Variants in SLC25A17 observed in about 807,000 individuals in gnomAD.
SLC25A17 encodes solute carrier family 25 member 17.
In SLC25A17, 26 loss-of-function variants were observed where a neutral mutation model predicts 38.5. That is an observed-to-expected ratio of 0.68 (90% confidence interval 0.50 to 0.94). The LOEUF is 0.94. Among genes scored for constraint, SLC25A17 ranks in the 40% least tolerant of loss-of-function variants. The pLI, the probability that SLC25A17 is intolerant of heterozygous loss-of-function variation, is 0.00. For missense variants in SLC25A17, 333 were observed against 372.7 expected (o/e 0.89, Z 0.88); for synonymous variants, 139 against 136.2 (o/e 1.02, Z -0.14).
intron 1 of SLC25A17, among the ~76,000 whole-genome samples, chr22:40,806,810 C>A (rs1008681858): frequency 6.6e-6 from 1 of 152,178 alleles, no homozygotes; most frequent in Non-Finnish European, 1.5e-5. Flanking sequence ...TAAAGGAAAT[C>A]ATGTAACCTG....
In SLC25A17 at chr22:40,770,609, T is replaced by G; in HGVS notation, c.*225A>C. 2.8e-6 allele frequency: 1 copy of G among 361,336 alleles called. No individual in the cohort carries two copies. The highest frequency in any genetic ancestry group is 4.9e-6 in the Non-Finnish European group (1 of 202,746). The allele number at this position is 361,336 out of a possible 1,614,324, so 22.4% of individuals were successfully genotyped here. On this transcript the variant is annotated 3_prime_UTR_variant, in exon 9 of 9. Coordinates refer to ENST00000435456, the MANE Select transcript of SLC25A17 (RefSeq NM_006358.4). The stretch of plus-strand genomic sequence containing the variant: ...TTTTAGGTTTTCAGCAATGTTTTTT[T>G]CACATTAGTCCAACTGCCACCCCAA...
At chr22:40,798,181 C>T (rs2057447325) in intron 2 of SLC25A17, 1 of 152,240 alleles carries the variant, frequency 6.6e-6, no homozygotes, top group African/African-American at 2.4e-5. Flanking sequence ...TCTGGAAATT[C>T]GAAGGGGCTG....
chr22:40,797,646 A>G (rs1602612987), intron 2 of SLC25A17, among the ~76,000 whole-genome samples: 1 of 152,356 alleles, frequency 6.6e-6, no homozygotes, highest in East Asian at 1.9e-4. Flanking sequence ...TCTGTTAATT[A>G]GGAAACATGA....
At chr22:40,779,295 T>A in intron 4 of SLC25A17, 170 bp from the exon 5 acceptor site, 1 of 1,460,340 alleles carries the variant, frequency 6.8e-7, no homozygotes, top group Non-Finnish European at 9.0e-7. Context: ...CCACTACTGT[T>A]AGAAGCGATT....
chr22:40,797,382 TA>T, intron 2 of SLC25A17: 1 of 1,103,538 alleles, frequency 9.1e-7, no homozygotes, highest in Non-Finnish European at 1.2e-6. Context: ...TAGAGTCCCA[TA>T]AAGCTGCAAA....
At position 40,770,919 on chromosome 22, in the gene SLC25A17, G is replaced by GTGAGGAC; in HGVS notation, c.832_838dup (p.Thr280SerfsTer12). ...ATAAACAAGGAACATGAGAGCAGCA[G>GTGAGGAC]TGAGGACTGTCTGCAGCAGTTTGGC... On this transcript the variant is annotated frameshift_variant, in exon 9 of 9. Transcript: ENST00000435456. LOFTEE classifies it high-confidence loss of function. The GTGAGGAC allele has an allele frequency of 6.2e-7, 1 of 1,613,390 alleles. No individual in the cohort carries two copies.
At chr22:40,803,469 C>T (rs559423907) in intron 1 of SLC25A17, among the ~76,000 whole-genome samples, 1 of 152,294 alleles carries the variant, frequency 6.6e-6, no homozygotes, top group South Asian at 2.1e-4. Context: ...TCATCCATGT[C>T]ACCACAAATG....
chr22:40,811,801 C>T (rs1326920009), intron 1 of SLC25A17, among the ~76,000 whole-genome samples: 1 of 152,040 alleles, frequency 6.6e-6, no homozygotes, highest in Non-Finnish European at 1.5e-5. Context: ...GGGATCTGCC[C>T]CCATGACCCA....
intron 1 of SLC25A17, among the ~76,000 whole-genome samples, chr22:40,816,103 C>A (rs939014648): frequency 6.6e-6 from 1 of 151,692 alleles, no homozygotes; most frequent in East Asian, 1.9e-4. Flanking sequence ...GCAGGAGAAT[C>A]GCTTGAACCC....
intron 2 of SLC25A17, among the ~76,000 whole-genome samples, chr22:40,796,633 A>G (rs1471949246): frequency 7.2e-5 from 11 of 151,814 alleles, no homozygotes; most frequent in Non-Finnish European, 1.5e-5. Context: ...AAAAAAAAAG[A>G]AGGCAATCTG....
At position 40,789,374 on chromosome 22, in the gene SLC25A17, G is replaced by A. The variant is rs1351573715; in HGVS notation, c.334+3151C>T. On this transcript the variant is annotated intron_variant, in intron 4 of 8. Transcript: ENST00000435456. This position sits in a 1 kb window ranked among gnomAD's most constrained non-coding sequence, Gnocchi z 4.5. ...GGGCGTGAGCTCTGTCTGCCGCGGG[G>A]GTGCACCAGGGGCCCGACGATGCCG... The A allele has an allele frequency of 1.3e-5, 2 of 152,402 alleles. No individual in the cohort carries two copies. Among genetic ancestry groups the A allele is most frequent in the Admixed American group, 1.3e-4 (2 of 15,298 alleles). The allele number at this position is 152,402 out of a possible 1,614,324, so 9.4% of individuals were successfully genotyped here. A position where few individuals can be genotyped will look rare whatever the true frequency, so the allele number is the denominator to read the frequency against.
intron 1 of SLC25A17, among the ~76,000 whole-genome samples, chr22:40,818,394 T>C (rs1182562196): frequency 5.9e-5 from 9 of 151,822 alleles, no homozygotes; most frequent in Non-Finnish European, 1.0e-4. Context: ...ACACTTGTGG[T>C]AGACAGGAAC....
In SLC25A17 at chr22:40,777,152, GAACA is replaced by G. The variant is rs1303112303; in HGVS notation, c.598-21_598-18del. ...GGAAGAAAGCTGGAAAGCAAAGGAA[GAACA>G]AACCATATCAATCAAGTCAACAAGA... On this transcript the variant is annotated intron_variant, in intron 6 of 8. Transcript: ENST00000435456. 6.2e-7 allele frequency: 1 copy of G among 1,612,614 alleles called. No homozygotes were observed. Among genetic ancestry groups the G allele is most frequent in the Admixed American group, 1.7e-5 (1 of 59,946 alleles).
At chr22:40,775,247 T>A (rs557249773) in intron 7 of SLC25A17, among the ~76,000 whole-genome samples, 1 of 152,254 alleles carries the variant, frequency 6.6e-6, no homozygotes, top group African/African-American at 2.4e-5. Context: ...AGGCCTTCTT[T>A]CAGTCCCTAG....
intron 4 of SLC25A17, among the ~76,000 whole-genome samples, chr22:40,780,527 C>T (rs1221680589): frequency 1.3e-5 from 2 of 152,188 alleles, no homozygotes; most frequent in African/African-American, 2.4e-5. Context: ...GATATTAACA[C>T]ATTCCTGTTT....
chr22:40,771,046 T>C (rs113323051), intron 8 of SLC25A17, 65 bp from the exon 9 acceptor site: 2 of 1,354,522 alleles, frequency 1.5e-6, no homozygotes. Flanking sequence ...GCTACCTAGA[T>C]AGCTACTTTG....
At chr22:40,803,352 C>T (rs2057500437) in intron 1 of SLC25A17, among the ~76,000 whole-genome samples, 1 of 152,180 alleles carries the variant, frequency 6.6e-6, no homozygotes, top group Non-Finnish European at 1.5e-5. Flanking sequence ...ATTCTACTCT[C>T]TACTTCTATA....
intron 1 of SLC25A17, among the ~76,000 whole-genome samples, chr22:40,804,155 C>T (rs1336547661): frequency 2.0e-5 from 3 of 152,190 alleles, no homozygotes; most frequent in Non-Finnish European, 4.4e-5. Context: ...AAAGGACTAG[C>T]AAAAGGAGTC....
Position 40,794,599 on chromosome 22 carries a change from C to A in SLC25A17, c.116-19G>T, listed in dbSNP as rs201268911. 1.3e-6 allele frequency: 2 copies of A among 1,535,628 alleles called. No individual in the cohort carries two copies. Among genetic ancestry groups the A allele is most frequent in the East Asian group, 2.3e-5 (1 of 44,002 alleles). On this transcript the variant is annotated intron_variant, in intron 2 of 8. Transcript: ENST00000435456. Reference sequence around the variant, plus strand: ...TCATCAACTACAAGACCAAACAGTGCATGTTTATTTTATTAATTAAAAAAA... The same window carrying A: ...TCATCAACTACAAGACCAAACAGTGAATGTTTATTTTATTAATTAAAAAAA...
Sources: gnomAD v4.1 joint callset for allele counts (sites outside exome capture counted in the v4.1 genomes callset) on GRCh38, gnomAD v4.1.1 for gene constraint, Gnocchi (gnomAD v3.1) non-coding constraint, MANE v1.5 for transcripts, NCBI Gene and HGNC (gene_info 2026-07-23, HGNC 2026-07-21) for gene names.